The following ZNF518A variants were observed in gnomAD, a reference collection of about 807,000 sequenced individuals.
ZNF518A encodes zinc finger protein 518A.
In ZNF518A, 47 loss-of-function variants were observed where a neutral mutation model predicts 102.7. The observed-to-expected ratio is 0.46, with a 90% CI of 0.36 to 0.58. ZNF518A has a LOEUF of 0.58. ZNF518A is among the 20% of genes least tolerant of loss of function. The probability of loss-of-function intolerance (pLI) is 0.00; values close to 1 mark genes in which losing one functional copy is unlikely to be tolerated. For synonymous variants in ZNF518A, 652 were observed against 594.6 expected (o/e 1.10, Z -1.40); for missense variants, 1,793 against 1,699.8 (o/e 1.05, Z -0.96).
At chr10:96,186,816 A>ATATG (rs1262677646) in intron 1 of ZNF518A, among the ~76,000 whole-genome samples, 1 of 152,234 alleles carries the variant, frequency 6.6e-6, no homozygotes, top group Non-Finnish European at 1.5e-5. Context: ...ACACCAAATA[A>ATATG]CTTGCGCTAA....
At chr10:96,194,802 G>T (rs1216328928) in intron 1 of ZNF518A, among the ~76,000 whole-genome samples, 2 of 123,672 alleles carry the variant, frequency 1.6e-5, no homozygotes, top group South Asian at 2.6e-4. Context: ...ACGGAGTCTC[G>T]CTCTGTCGCC....
Position 96,159,757 on chromosome 10 carries a change from G to C in ZNF518A, c.3435G>C (p.Leu1145=), listed in dbSNP as rs1387696869. ...AAGGAACACCACAAAGAATATTGCT[G>C]AAAATTTTTAACCCTGTTTTAAATG... The part of the protein sequence containing the change: ...KPEGTPQRIL[L]KIFNPVLNVT... Residue 1145 remains leucine (L), a synonymous_variant, in exon 6 of 6, where the codon CTG becomes CTC. Coordinates refer to ENST00000316045, the MANE Select transcript of ZNF518A (RefSeq NM_001330736.2). 6.2e-7 allele frequency: 1 copy of C among 1,613,204 alleles called. No individual in the cohort carries two copies. The highest frequency in any genetic ancestry group is 1.7e-5 in the Admixed American group (1 of 59,960).
chr10:96,154,042 C>T (rs2082576972), intron 3 of ZNF518A, among the ~76,000 whole-genome samples: 1 of 152,168 alleles, frequency 6.6e-6, no homozygotes, highest in South Asian at 2.1e-4. Context: ...TTCCATTTCC[C>T]CACTCTTGCC....
chr10:96,189,227 G>A (rs764285271), intron 1 of ZNF518A: 353 of 368,390 alleles, frequency 9.6e-4, no homozygotes, highest in Non-Finnish European at 1.5e-3. Context: ...TCTTGGCAAT[G>A]GAACCTGGAC....
rs1274435796 is a variant in ZNF518A at position 96,198,801 on chromosome 10, C to A, written n.36-4773C>A. Among the ~76,000 whole-genome samples, 4 of 152,308 alleles carry A rather than the reference C, an allele frequency of 2.6e-5. No individual in the cohort carries two copies. In the East Asian group the frequency reaches 7.7e-4, roughly 29 times the overall value. ...GCAACTTCCGCCTCCTAGGCCCAAC[C>A]GATTCTCCTGCTTCAGCCTCCGGAG... On this transcript the variant is annotated intron_variant and non_coding_transcript_variant, in intron 1 of 2. Transcript: ENST00000442635.
At chr10:96,165,104 T>G (rs2083116604), downstream of ZNF518A, among the ~76,000 whole-genome samples, 1 of 152,164 alleles carries the variant, frequency 6.6e-6, no homozygotes, top group South Asian at 2.1e-4. Flanking sequence ...AGTAATCAAC[T>G]GGGGAACAAT....
chr10:96,134,529 C>G (rs782573732), intron 3 of ZNF518A, among the ~76,000 whole-genome samples: 1 of 152,166 alleles, frequency 6.6e-6, no homozygotes, highest in African/African-American at 2.4e-5. Flanking sequence ...CCACTGCTCC[C>G]GGCCTACTTC....
intron 1 of ZNF518A, among the ~76,000 whole-genome samples, chr10:96,131,769 A>G (rs919940315): frequency 2.6e-5 from 4 of 152,212 alleles, no homozygotes; most frequent in Admixed American, 1.3e-4. Context: ...ATTTTTTGCC[A>G]TGGTCACACT....
At chr10:96,185,923 C>A (rs1022936268) in intron 1 of ZNF518A, among the ~76,000 whole-genome samples, 2 of 152,252 alleles carry the variant, frequency 1.3e-5, no homozygotes, top group African/African-American at 4.8e-5. Context: ...CAAGCCTCAG[C>A]AATGGCAGAC....
chr10:96,155,048 T>C (rs1554881704), intron 3 of ZNF518A, among the ~76,000 whole-genome samples: 1 of 151,356 alleles, frequency 6.6e-6, no homozygotes, highest in African/African-American at 2.4e-5. Flanking sequence ...ATTTTGTCTA[T>C]TCATACATAT....
downstream of ZNF518A, chr10:96,204,487 T>G (rs2083743056): frequency 6.3e-7 from 1 of 1,587,702 alleles, no homozygotes; most frequent in South Asian, 1.1e-5. Context: ...TGTTAATTCC[T>G]GCAGCAACAA....
intron 3 of ZNF518A, among the ~76,000 whole-genome samples, chr10:96,142,707 A>G (rs2081994543): frequency 6.6e-6 from 1 of 152,100 alleles, no homozygotes; most frequent in South Asian, 2.1e-4. Context: ...CTGTCTAGGA[A>G]TGTTGCCTTT....
At chr10:96,149,379 T>C (rs1414933798) in intron 3 of ZNF518A, among the ~76,000 whole-genome samples, 1 of 152,176 alleles carries the variant, frequency 6.6e-6, no homozygotes, top group African/African-American at 2.4e-5. Flanking sequence ...GCATAGTGCC[T>C]ACTCTCTCCC....
chr10:96,196,212 A>C (rs1424112498), intron 1 of ZNF518A, among the ~76,000 whole-genome samples: 1 of 152,146 alleles, frequency 6.6e-6, no homozygotes, highest in Non-Finnish European at 1.5e-5. Context: ...TCCAACTTAC[A>C]TTCTACCCAT....
chr10:96,166,726 C>A (rs587700340), downstream of ZNF518A, among the ~76,000 whole-genome samples: 2 of 152,104 alleles, frequency 1.3e-5, no homozygotes, highest in South Asian at 4.1e-4. Context: ...GAGATCGCAC[C>A]GCTGCACTCC....
At chr10:96,182,032 C>G (rs1315486451) in intron 1 of ZNF518A, among the ~76,000 whole-genome samples, 1 of 152,150 alleles carries the variant, frequency 6.6e-6, no homozygotes, top group Non-Finnish European at 1.5e-5. Context: ...GTTTGTAGTT[C>G]TCCTTGAAGA....
intron 1 of ZNF518A, chr10:96,203,424 T>G (rs2083704391): frequency 1.3e-5 from 2 of 152,212 alleles, no homozygotes. Context: ...TTAAATGGAT[T>G]TAAGCTTTAT....
At chr10:96,154,117 A>G (rs951267464) in intron 3 of ZNF518A, among the ~76,000 whole-genome samples, 1 of 152,182 alleles carries the variant, frequency 6.6e-6, no homozygotes, top group African/African-American at 2.4e-5. Context: ...ATCAACTCAT[A>G]TAATTCTTTC....
At chr10:96,176,705 G>C (rs2083206458) in intron 1 of ZNF518A, among the ~76,000 whole-genome samples, 1 of 152,186 alleles carries the variant, frequency 6.6e-6, no homozygotes, top group Non-Finnish European at 1.5e-5. Context: ...AGACCAGCCT[G>C]ACCAACATGG....
Sources: gnomAD v4.1 joint callset for allele counts (sites outside exome capture counted in the v4.1 genomes callset) on GRCh38, gnomAD v4.1.1 for gene constraint, MANE v1.5 for transcripts, NCBI Gene and HGNC (gene_info 2026-07-23, HGNC 2026-07-21) for gene names.